Variants in CEP295 observed in about 807,000 individuals in gnomAD.
CEP295 encodes centrosomal protein 295.
Under a neutral mutation model 291.6 loss-of-function variants are expected in CEP295, and 190 were observed. The ratio of observed to expected loss-of-function variants is 0.65; its 90% CI spans 0.58 to 0.73. The LOEUF (loss-of-function observed/expected upper bound fraction) is 0.73. Among genes scored for constraint, CEP295 ranks in the 30% least tolerant of loss-of-function variants. CEP295 has a pLI of 0.00. For synonymous variants in CEP295, 993 were observed against 1,038.8 expected, an observed-to-expected ratio of 0.96 and a Z score of 0.85; for missense variants, 2,863 against 2,949.4, an observed-to-expected ratio of 0.97 and a Z score of 0.68.
chr11:93,703,838 G>A (rs970175879), intron 17 of CEP295, among the ~76,000 whole-genome samples: 2 of 145,198 alleles, frequency 1.4e-5, no homozygotes, highest in East Asian at 2.0e-4. Flanking sequence ...GCGCAATCTC[G>A]GCTCACTGCA....
intron 24 of CEP295, chr11:93,727,941 ATTTTACAAAAGATCCTT>A: frequency 4.6e-6 from 1 of 218,248 alleles, no homozygotes; most frequent in Admixed American, 5.4e-5. Flanking sequence ...TTCTGAGAGT[ATTTTACAAAAGATCCTT>A]TTTCTCCCAA....
rs963335977 is a variant in CEP295 at position 93,699,027 on chromosome 11, C to T, written c.4115C>T (p.Ala1372Val). Reference sequence around the variant, plus strand: ...GCCATCATTCTAGCTAGACAAGAAGCTCGGGAAGAATTACTTTTACATCAG... The same window carrying T: ...GCCATCATTCTAGCTAGACAAGAAGTTCGGGAAGAATTACTTTTACATCAG... Reference protein sequence around the residue: ...REAIILARQEAREELLLHQSE... With the variant: ...REAIILARQEVREELLLHQSE... Residue 1372 changes from alanine to valine, a missense_variant, in exon 15 of 30, where the codon GCT becomes GTT. Transcript: ENST00000325212. The T allele has an allele frequency of 9.7e-6, 15 of 1,546,828 alleles. No individual in the cohort carries two copies. Among genetic ancestry groups the T allele is most frequent in the Non-Finnish European group, 1.2e-5 (14 of 1,147,040 alleles).
chr11:93,667,006 A>G (rs1950231165), intron 2 of CEP295, among the ~76,000 whole-genome samples, 191 bp downstream of exon 2: 1 of 152,226 alleles, frequency 6.6e-6, no homozygotes, highest in Non-Finnish European at 1.5e-5. Context: ...ATTGTAGAAG[A>G]GTTGGAAGAT....
intron 6 of CEP295, among the ~76,000 whole-genome samples, chr11:93,678,268 A>T (rs143003200): frequency 6.6e-6 from 1 of 152,196 alleles, no homozygotes; most frequent in Non-Finnish European, 1.5e-5. Context: ...ATTTAATATC[A>T]TACATATTGA....
chr11:93,668,386 A>G (rs557695569), intron 3 of CEP295, among the ~76,000 whole-genome samples: 1 of 152,224 alleles, frequency 6.6e-6, no homozygotes, highest in East Asian at 1.9e-4. Flanking sequence ...GTTTTTAGTA[A>G]TAGCCGTAAG....
In CEP295 at chr11:93,707,115, C is replaced by G. The variant is rs1463450113; in HGVS notation, c.5749+218C>G. Among the ~76,000 whole-genome samples the G allele has an allele frequency of 2.0e-5, 3 of 148,360 alleles. No individual in the cohort carries two copies. In the South Asian group the frequency reaches 6.3e-4, roughly 31 times the overall value. ...TATTAAATGCCAGTAAGAAGTTTATCAAGGTAGGAGTTTTATACAATTGGC... is the reference window on the plus strand; with the variant it reads ...TATTAAATGCCAGTAAGAAGTTTATGAAGGTAGGAGTTTTATACAATTGGC... On this transcript the variant is annotated intron_variant, in intron 18 of 29. Coordinates refer to ENST00000325212, the MANE Select transcript of CEP295 (RefSeq NM_033395.2).
Position 93,696,806 on chromosome 11 carries a change from T to A in CEP295, c.1894T>A (p.Ser632Thr), listed in dbSNP as rs1167459400. 3 of 1,551,596 alleles carry A rather than the reference T, an allele frequency of 1.9e-6. No homozygotes were observed. The highest frequency in any genetic ancestry group is 2.6e-6 in the Non-Finnish European group (3 of 1,147,008). The change falls in exon 15 of 30, where the codon TCA (serine) becomes ACA (threonine). Residue 632 changes from serine (S) to threonine (T), a missense_variant. Coordinates refer to ENST00000325212, the MANE Select transcript of CEP295 (RefSeq NM_033395.2). ...AACTGATTCTGTTATATCAGTGCCA[T>A]CATGGAAATCTGAGAGACCGACTGC... ...LITDSVISVPSWKSERPTAIS... is the reference protein window; with the variant it reads ...LITDSVISVPTWKSERPTAIS...
intron 23 of CEP295, 109 bp downstream of exon 23, chr11:93,725,940 C>G: frequency 1.3e-6 from 1 of 792,634 alleles, no homozygotes; most frequent in East Asian, 2.7e-5. Flanking sequence ...CTGCTCTCAC[C>G]CCTATCCTGG....
chr11:93,728,537 G>A, intron 24 of CEP295, 144 bp from the exon 25 acceptor site: 1 of 583,560 alleles, frequency 1.7e-6, no homozygotes, highest in Non-Finnish European at 2.9e-6. Context: ...AATCTGATCT[G>A]TTGGTCTTTG....
rs200548650 is a variant in CEP295 at position 93,711,826 on chromosome 11, GTT to G, written c.5749+4941_5749+4942del. 2.0e-3 allele frequency among the ~76,000 whole-genome samples: 284 copies of G among 141,662 alleles called. 11 individuals carry two copies. The East Asian group carries it at 0.055, about 28-fold the overall frequency. The allele number at this position is 141,662 out of a possible 152,430, so 92.9% of individuals were successfully genotyped here. A position where few individuals can be genotyped will look rare whatever the true frequency, so the allele number is the denominator to read the frequency against. On this transcript the variant is annotated intron_variant, in intron 18 of 29. Transcript: ENST00000325212. The stretch of plus-strand genomic sequence containing the variant: ...ACTCCTGGGCTATTTAAGTTTGTTT[GTT>G]TTTTTTTTTTTAATGTTTTAAGCCT...
intron 17 of CEP295, among the ~76,000 whole-genome samples, chr11:93,704,436 C>G (rs1325934203): frequency 6.6e-6 from 1 of 152,052 alleles, no homozygotes; most frequent in Non-Finnish European, 1.5e-5. Context: ...CAGGGAAACC[C>G]CCTCTGGTGG....
intron 28 of CEP295, 34 bp from the exon 29 acceptor site, chr11:93,730,013 AGT>A (rs1491279084): frequency 7.4e-6 from 11 of 1,493,990 alleles, no homozygotes; most frequent in South Asian, 3.9e-5. Context: ...CACTTTTTGC[AGT>A]GTTTGTCTCT....
In CEP295 at chr11:93,729,419, C is replaced by CT. The variant is rs199593033; in HGVS notation, c.7303-12dup. 3,007 of 1,524,048 alleles carry CT rather than the reference C, an allele frequency of 2.0e-3. 96 individuals are homozygous for CT. The East Asian group carries it at 0.068, about 35-fold the overall frequency. The allele number at this position is 1,524,048 out of a possible 1,614,324, so 94.4% of individuals were successfully genotyped here. On this transcript the variant is annotated splice_polypyrimidine_tract_variant and intron_variant, in intron 25 of 29. Transcript: ENST00000325212. ...CGTTTAAAAAGAGTAAAACATGCAA[C>CT]TTTCTTGCCATTAGGTGAGTGAGTT...
At chr11:93,669,541 T>C (rs796309441) in intron 4 of CEP295, 136 bp from the exon 5 acceptor site, 1 of 564,584 alleles carries the variant, frequency 1.8e-6, no homozygotes, top group East Asian at 2.9e-5. Flanking sequence ...ATAGACTCTT[T>C]ACACATGTAA....
At chr11:93,719,221 T>A (rs3097325) in intron 18 of CEP295, among the ~76,000 whole-genome samples, 133,787 of 147,654 alleles carry the variant, frequency 0.91, 61,673 homozygotes, top group Non-Finnish European at 0.99. Flanking sequence ...TGTACGTGTG[T>A]GTGTGGGTTG....
In CEP295 at chr11:93,679,547, G is replaced by C. The variant is rs993893733; in HGVS notation, c.760G>C (p.Ala254Pro). The C allele has an allele frequency of 4.5e-6, 7 of 1,550,874 alleles. No individual in the cohort carries two copies. The highest frequency in any genetic ancestry group is 5.2e-6 in the Non-Finnish European group (6 of 1,146,600). The change falls in exon 7 of 30, where the codon GCT (alanine) becomes CCT (proline). Residue 254 changes from alanine (A) to proline (P), a missense_variant. Ala to Pro is a conservative substitution (Grantham distance 27, BLOSUM62 -1). Transcript: ENST00000325212. ...GFQAMKKIHL[A>P]QNQEKLMKEL... ...CCAAGCAATGAAGAAGATCCATTTG[G>C]CTCAAGTAAGACTTATATTCTACCC...
chr11:93,669,708 G>T lies in CEP295; in HGVS notation c.466G>T (p.Val156Leu), dbSNP rs909848656. 5.2e-6 allele frequency: 8 copies of T among 1,550,710 alleles called. No individual in the cohort carries two copies. In the Admixed American group the frequency reaches 5.9e-5, roughly 11 times the overall value. Residue 156 changes from valine to leucine, a missense_variant, in exon 5 of 30, where the codon GTG becomes TTG. Val to Leu is a conservative substitution (Grantham distance 32). Around this residue, in one of 3 missense-constraint regions of CEP295, gnomAD observed 554 missense variants for 576.0 expected, o/e 0.96. Coordinates refer to ENST00000325212, the MANE Select transcript of CEP295 (RefSeq NM_033395.2). ...HIKARKEALL[V>L]EKERSAKITS... Reference sequence around the variant, plus strand: ...AAAAGCTCGAAAGGAAGCACTGCTTGTGGAAAAAGAGAGATCAGCCAAAAT... The same window carrying T: ...AAAAGCTCGAAAGGAAGCACTGCTTTTGGAAAAAGAGAGATCAGCCAAAAT...
In CEP295 at chr11:93,717,386, G is replaced by A. The variant is rs77717958; in HGVS notation, c.5750-3926G>A. ...AGCTGAGCGTCTGACCTGTTGCGGT[G>A]AGGGGGAATGCATACCATGGGCAAC... On this transcript the variant is annotated intron_variant, in intron 18 of 29. Transcript: ENST00000325212. 3.5e-3 allele frequency among the ~76,000 whole-genome samples: 540 copies of A among 152,350 alleles called. 4 individuals are homozygous for A. Among genetic ancestry groups the A allele is most frequent in the African/African-American group, 0.012 (510 of 41,580 alleles).
Position 93,697,925 on chromosome 11 carries a change from A to G in CEP295, c.3013A>G (p.Thr1005Ala). The G allele has an allele frequency of 6.4e-7, 1 of 1,551,670 alleles. No homozygotes were observed. Among genetic ancestry groups the G allele is most frequent in the Non-Finnish European group, 8.7e-7 (1 of 1,146,966 alleles). ...FPFQVAQHTF[T>A]SLPSADTKSG... is the part of the protein sequence containing the mutation. ...ATTTCAGGTAGCTCAGCATACATTT[A>G]CTTCACTACCATCTGCTGATACAAA... Residue 1005 changes from threonine (T) to alanine (A), a missense_variant, in exon 15 of 30, where the codon ACT becomes GCT. This residue lies in a region of CEP295 where 2,295 missense variants were observed against 2,335.7 expected (regional missense o/e 0.98). Coordinates refer to ENST00000325212, the MANE Select transcript of CEP295 (RefSeq NM_033395.2).
Sources: gnomAD v4.1 joint callset for allele counts (sites outside exome capture counted in the v4.1 genomes callset) on GRCh38, gnomAD v4.1.1 for gene constraint, gnomAD v4.1.1 regional missense constraint, MANE v1.5 for transcripts, NCBI Gene and HGNC (gene_info 2026-07-23, HGNC 2026-07-21) for gene names.